The following GRID1 variants were observed in gnomAD, a reference collection of about 807,000 sequenced individuals.
The protein encoded by GRID1 is glutamate receptor ionotropic, delta-1.
A neutral mutation model predicts 98.0 loss-of-function variants in GRID1; 28 were observed. The observed-to-expected ratio is 0.29, with a 90% CI of 0.21 to 0.39. The LOEUF is 0.39. Among genes scored for constraint, GRID1 ranks in the 10% least tolerant of loss-of-function variants. The pLI, the probability that GRID1 is intolerant of heterozygous loss-of-function variation, is 1.00. For synonymous variants in GRID1, 553 were observed against 538.5 expected (o/e 1.03, Z -0.37); for missense variants, 1,111 against 1,340.5 (o/e 0.83, Z 2.67).
chr10:85,885,425 A>G (rs1238409947), intron 5 of GRID1, among the ~76,000 whole-genome samples: 1 of 152,194 alleles, frequency 6.6e-6, no homozygotes, highest in Non-Finnish European at 1.5e-5. Context: ...TCCTGTGGAG[A>G]AAGCCCATAG....
chr10:86,348,647 T>C (rs2114827), intron 2 of GRID1, among the ~76,000 whole-genome samples: 146,171 of 152,330 alleles, frequency 0.96, 70,258 homozygotes, highest in East Asian at 1. Flanking sequence ...CATGCAAGAG[T>C]CCCAGCACAT....
intron 2 of GRID1, among the ~76,000 whole-genome samples, chr10:86,215,295 A>C (rs1846159464): frequency 6.6e-6 from 1 of 152,180 alleles, no homozygotes; most frequent in African/African-American, 2.4e-5. Flanking sequence ...TGGGCAGCTC[A>C]TGCAGTCAGG....
intron 6 of GRID1, among the ~76,000 whole-genome samples, chr10:85,863,783 A>G (rs1180801501): frequency 1.3e-5 from 2 of 152,194 alleles, no homozygotes; most frequent in Admixed American, 1.3e-4. Flanking sequence ...GCAGCAGCAC[A>G]TGCCTTCTCT....
At chr10:86,258,455 A>G (rs1846960264) in intron 2 of GRID1, among the ~76,000 whole-genome samples, 1 of 152,256 alleles carries the variant, frequency 6.6e-6, no homozygotes, top group South Asian at 2.1e-4. Flanking sequence ...TCAGTGGCTT[A>G]AATCAGCAAA....
chr10:86,261,374 T>C (rs1388713275), intron 2 of GRID1, among the ~76,000 whole-genome samples: 1 of 152,118 alleles, frequency 6.6e-6, no homozygotes, highest in Non-Finnish European at 1.5e-5. Flanking sequence ...ATCCATTGCA[T>C]AGTGAGGATC....
At chr10:85,677,928 CAT>C (rs1841163354) in intron 12 of GRID1, among the ~76,000 whole-genome samples, 2 of 152,144 alleles carry the variant, frequency 1.3e-5, no homozygotes, top group African/African-American at 4.8e-5. Flanking sequence ...TAGGGACAGA[CAT>C]GGTGCCAGAA....
chr10:86,282,262 CT>C (rs1305230408), intron 2 of GRID1, among the ~76,000 whole-genome samples: 2 of 152,308 alleles, frequency 1.3e-5, no homozygotes, highest in East Asian at 3.9e-4. Context: ...AGGCAGGAGG[CT>C]TGGGTGTCCC....
intron 2 of GRID1, among the ~76,000 whole-genome samples, chr10:86,237,560 C>T (rs146815206): frequency 0.022 from 3,392 of 152,264 alleles, 45 homozygotes; most frequent in Middle Eastern, 0.062. Context: ...ATTAGCTGGG[C>T]ATGGTGGCAG....
intron 4 of GRID1, among the ~76,000 whole-genome samples, chr10:86,059,936 T>G (rs1843626603): frequency 6.6e-6 from 1 of 152,142 alleles, no homozygotes; most frequent in Non-Finnish European, 1.5e-5. Context: ...TATACGTAGC[T>G]TGTGATAAAT....
chr10:86,088,132 T>C (rs1269309153), intron 4 of GRID1, among the ~76,000 whole-genome samples: 1 of 152,184 alleles, frequency 6.6e-6, no homozygotes, highest in Non-Finnish European at 1.5e-5. Flanking sequence ...TTCTCAAGTT[T>C]CCCCAGAGCC....
intron 2 of GRID1, among the ~76,000 whole-genome samples, chr10:86,211,953 A>G (rs1043424817): frequency 1.3e-5 from 2 of 152,168 alleles, no homozygotes; most frequent in African/African-American, 4.8e-5. Context: ...GGCAGGCAGG[A>G]ACAAGGCCTG....
chr10:85,774,131 C>A (rs1021651138), intron 8 of GRID1, among the ~76,000 whole-genome samples: 28 of 152,204 alleles, frequency 1.8e-4, no homozygotes, highest in African/African-American at 6.0e-4. Context: ...ACAGAGATAG[C>A]GATCAATGGA....
At chr10:85,855,027 T>C (rs1398390248) in intron 7 of GRID1, among the ~76,000 whole-genome samples, 1 of 152,208 alleles carries the variant, frequency 6.6e-6, no homozygotes, top group African/African-American at 2.4e-5. Flanking sequence ...AGGAGACATA[T>C]CAGACACATG....
chr10:86,010,535 G>A (rs1230248181), intron 4 of GRID1, among the ~76,000 whole-genome samples: 2 of 152,148 alleles, frequency 1.3e-5, no homozygotes, highest in Admixed American at 6.5e-5. Context: ...AGGAAGTAAT[G>A]AGGCCGGGTA....
intron 8 of GRID1, among the ~76,000 whole-genome samples, chr10:85,836,333 C>G (rs558880478): frequency 1.3e-5 from 2 of 152,144 alleles, no homozygotes; most frequent in Non-Finnish European, 2.9e-5. Flanking sequence ...ATGCTTTTAA[C>G]AGATCTTCAG....
chr10:86,097,790 G>A (rs896791738), intron 4 of GRID1, among the ~76,000 whole-genome samples: 1 of 152,204 alleles, frequency 6.6e-6, no homozygotes, highest in African/African-American at 2.4e-5. Context: ...AAGAGGGTGA[G>A]ACAAAGCCAA....
chr10:85,988,586 C>A (rs1308483661), intron 4 of GRID1, among the ~76,000 whole-genome samples: 1 of 152,194 alleles, frequency 6.6e-6, no homozygotes, highest in African/African-American at 2.4e-5. Context: ...GTGATCCTCT[C>A]AAGGTCACCG....
chr10:86,199,280 T>C (rs1490990361), intron 3 of GRID1, among the ~76,000 whole-genome samples: 1 of 152,144 alleles, frequency 6.6e-6, no homozygotes, highest in Non-Finnish European at 1.5e-5. Context: ...CACCATGTTT[T>C]GGAACTACTT....
chr10:85,856,287 A>T, intron 6 of GRID1, 97 bp from the exon 7 acceptor site: 1 of 1,107,608 alleles, frequency 9.0e-7, no homozygotes, highest in Non-Finnish European at 1.3e-6. Context: ...GGATGCCAAC[A>T]TTAAGCTGTG....
Sources: allele counts gnomAD v4.1 joint callset (sites outside exome capture counted in the v4.1 genomes callset), GRCh38; gene constraint gnomAD v4.1.1; transcripts MANE v1.5; gene names NCBI Gene and HGNC (gene_info 2026-07-23, HGNC 2026-07-21).